Variants in SLC9A9 observed in about 807,000 individuals in gnomAD.
The protein encoded by SLC9A9 is solute carrier family 9 member A9, also known as sodium/hydrogen exchanger 9.
Under a neutral mutation model 77.8 loss-of-function variants are expected in SLC9A9, and 62 were observed. That is an observed-to-expected ratio of 0.80 (90% confidence interval 0.65 to 0.98). The LOEUF (loss-of-function observed/expected upper bound fraction) is 0.98, where lower values mean the gene tolerates loss of function less well. Among genes scored for constraint, SLC9A9 ranks in the 50% least tolerant of loss-of-function variants. The probability of loss-of-function intolerance (pLI) is 0.00; values close to 1 mark genes in which losing one functional copy is unlikely to be tolerated. For missense variants in SLC9A9, 775 were observed against 774.9 expected, an observed-to-expected ratio of 1.00 and a Z score of 0.00; for synonymous variants, 320 against 283.5, an observed-to-expected ratio of 1.13 and a Z score of -1.29.
Position 143,504,595 on chromosome 3 carries a change from T to C in SLC9A9, c.1090-9147A>G, listed in dbSNP as rs556566663. Among the ~76,000 whole-genome samples the C allele has an allele frequency of 1.7e-4, 26 of 152,350 alleles. 1 individual carries two copies. The highest frequency in any genetic ancestry group is 6.0e-4 in the African/African-American group (25 of 41,582). ...AAAGTGCAATCTTTGGAGATCCTTC[T>C]ATATCTAAAGCATTATAGTAATATC... On this transcript the variant is annotated intron_variant, in intron 9 of 15. Transcript: ENST00000316549.
chr3:143,357,278 T>G (rs1206001523), intron 14 of SLC9A9, among the ~76,000 whole-genome samples: 2 of 152,152 alleles, frequency 1.3e-5, no homozygotes, highest in Non-Finnish European at 2.9e-5. Context: ...GCCAATGTCT[T>G]CCTTTCCTAT....
chr3:143,275,815 T>G (rs1938030446), intron 14 of SLC9A9, among the ~76,000 whole-genome samples: 1 of 152,238 alleles, frequency 6.6e-6, no homozygotes, highest in Admixed American at 6.5e-5. Flanking sequence ...TTCCACACCC[T>G]CATTTTTCTT....
intron 8 of SLC9A9, among the ~76,000 whole-genome samples, chr3:143,566,902 A>T (rs1423591328): frequency 6.6e-6 from 1 of 152,142 alleles, no homozygotes; most frequent in Non-Finnish European, 1.5e-5. Flanking sequence ...ATTTTCAAAC[A>T]ACCTGTCCAG....
intron 14 of SLC9A9, among the ~76,000 whole-genome samples, chr3:143,277,632 T>TA (rs1264466390): frequency 1.3e-5 from 2 of 152,230 alleles, no homozygotes; most frequent in African/African-American, 2.4e-5. Context: ...TGGATAGTGT[T>TA]ACATTTGGCT....
intron 9 of SLC9A9, 117 bp from the exon 10 acceptor site, chr3:143,495,565 T>A: frequency 1.3e-6 from 1 of 759,188 alleles, no homozygotes; most frequent in Non-Finnish European, 2.3e-6. Context: ...AGGCCACCCC[T>A]TTGGCCGTGT....
chr3:143,772,022 A>ATGTGTGTGTGTGTGTGTG (rs55750613), intron 4 of SLC9A9, among the ~76,000 whole-genome samples: 77 of 141,714 alleles, frequency 5.4e-4, no homozygotes, highest in African/African-American at 1.5e-3. Flanking sequence ...CATCCCCAGA[A>ATGTGTGTGTGTGTGTGTG]TGTGTGTGTG....
intron 6 of SLC9A9, among the ~76,000 whole-genome samples, chr3:143,647,061 T>C (rs1357628111): frequency 1.3e-5 from 2 of 152,192 alleles, no homozygotes; most frequent in Admixed American, 1.3e-4. Context: ...TCTTTGATGA[T>C]AGGAGTAACA....
At chr3:143,453,394 G>T (rs1328762763) in intron 12 of SLC9A9, among the ~76,000 whole-genome samples, 1 of 151,984 alleles carries the variant, frequency 6.6e-6, no homozygotes, top group East Asian at 1.9e-4. Flanking sequence ...AGTAAAGATA[G>T]CTCCCTCCCC....
At chr3:143,382,296 C>G (rs2033324152) in intron 12 of SLC9A9, 182 bp from the exon 13 acceptor site, 2 of 668,630 alleles carry the variant, frequency 3.0e-6, no homozygotes, top group African/African-American at 3.6e-5. Flanking sequence ...ACTTGAACAG[C>G]TGGGCCTCAG....
At position 143,501,105 on chromosome 3, in the gene SLC9A9, T is replaced by G. The variant is rs573289619; in HGVS notation, c.1090-5657A>C. 4.5e-4 allele frequency among the ~76,000 whole-genome samples: 68 copies of G among 150,718 alleles called. 9 individuals are homozygous for G. Among genetic ancestry groups the G allele is most frequent in the African/African-American group, 1.6e-3 (66 of 40,178 alleles). Reference sequence around the variant, plus strand: ...AAGTCATCAGTAATTTTGTACATAATTTTTCAATCGGGAAATTTTATAAGA... The same window carrying G: ...AAGTCATCAGTAATTTTGTACATAAGTTTTCAATCGGGAAATTTTATAAGA... On this transcript the variant is annotated intron_variant, in intron 9 of 15. Coordinates refer to ENST00000316549, the MANE Select transcript of SLC9A9 (RefSeq NM_173653.4).
At chr3:143,415,757 A>G (rs568541859) in intron 12 of SLC9A9, among the ~76,000 whole-genome samples, 1 of 152,360 alleles carries the variant, frequency 6.6e-6, no homozygotes, top group African/African-American at 2.4e-5. Context: ...GTCTTATTAT[A>G]TAAGAAATAT....
chr3:143,531,280 A>G (rs1463202228), intron 9 of SLC9A9, among the ~76,000 whole-genome samples: 2 of 152,228 alleles, frequency 1.3e-5, no homozygotes, highest in Non-Finnish European at 2.9e-5. Flanking sequence ...AAGGAAAGCA[A>G]ACCACATCCC....
intron 9 of SLC9A9, among the ~76,000 whole-genome samples, chr3:143,550,354 T>A (rs1008451750): frequency 1.3e-5 from 2 of 152,202 alleles, no homozygotes; most frequent in East Asian, 1.9e-4. Flanking sequence ...ATTGCATCAT[T>A]CAGTCCAATT....
chr3:143,810,174 G>A (rs2008826805), intron 2 of SLC9A9, among the ~76,000 whole-genome samples: 1 of 152,138 alleles, frequency 6.6e-6, no homozygotes, highest in Non-Finnish European at 1.5e-5. Flanking sequence ...GCTAGCAATG[G>A]CCCAGACATA....
intron 4 of SLC9A9, among the ~76,000 whole-genome samples, chr3:143,718,254 A>C (rs1229276259): frequency 6.6e-6 from 1 of 152,234 alleles, no homozygotes; most frequent in Non-Finnish European, 1.5e-5. Context: ...TTGGATGTGC[A>C]AACTCACCTA....
chr3:143,430,357 A>G (rs1279094934), intron 12 of SLC9A9, among the ~76,000 whole-genome samples: 2 of 152,234 alleles, frequency 1.3e-5, no homozygotes, highest in African/African-American at 4.8e-5. Context: ...TTGACAAAAC[A>G]GAAGTGACTG....
intron 12 of SLC9A9, among the ~76,000 whole-genome samples, chr3:143,384,617 C>T (rs529290129): frequency 1.3e-5 from 2 of 152,328 alleles, no homozygotes; most frequent in South Asian, 4.1e-4. Context: ...TCCTGCACAA[C>T]TAGATGGGGC....
chr3:143,725,656 T>C (rs1194310673), intron 4 of SLC9A9, among the ~76,000 whole-genome samples: 16 of 135,554 alleles, frequency 1.2e-4, no homozygotes, highest in Non-Finnish European at 2.2e-4. Context: ...AAACACCGCA[T>C]GTTCTCACTC....
chr3:143,687,588 C>A (rs181048047), intron 5 of SLC9A9, among the ~76,000 whole-genome samples: 2 of 152,088 alleles, frequency 1.3e-5, no homozygotes, highest in East Asian at 1.9e-4. Context: ...TAGCAGGCTT[C>A]GGGTTGACTT....
Sources: gnomAD v4.1 joint callset for allele counts (sites outside exome capture counted in the v4.1 genomes callset) on GRCh38, gnomAD v4.1.1 for gene constraint, MANE v1.5 for transcripts, NCBI Gene and HGNC (gene_info 2026-07-23, HGNC 2026-07-21) for gene names.